GALNT16: variants seen among roughly 807,000 people sequenced by gnomAD.
The protein encoded by GALNT16 is UDP-GalNAc:polypeptide N-acetylgalactosaminyltransferase-like protein 1.
GALNT16 carries 40 observed loss-of-function variants against 76.1 expected under a neutral mutation model. That is an observed-to-expected ratio of 0.53 (90% confidence interval 0.41 to 0.68). The LOEUF (loss-of-function observed/expected upper bound fraction) is 0.68, where lower values mean the gene tolerates loss of function less well. Ranked by LOEUF, GALNT16 falls within the 30% of genes least tolerant of loss-of-function variation. The pLI is 0.00. For synonymous variants in GALNT16, 276 were observed against 285.2 expected (o/e 0.97, Z 0.32); for missense variants, 621 against 731.9 (o/e 0.85, Z 1.75).
the GALNT16 span, among the ~76,000 whole-genome samples, chr14:69,366,197 G>A: frequency 6.6e-6 from 1 of 152,232 alleles, no homozygotes; most frequent in Non-Finnish European, 1.5e-5. Flanking sequence ...GAATGAATGA[G>A]CAGCATGGGT....
intron 3 of GALNT16, 73 bp from the exon 4 acceptor site, chr14:69,325,264 G>A (rs1227630730): frequency 2.1e-5 from 20 of 943,696 alleles, no homozygotes; most frequent in Admixed American, 1.5e-4. Flanking sequence ...GGAGTCCCAC[G>A]GCCCCGGGAG....
rs2045257463 is a variant in GALNT16 at position 69,324,791 on chromosome 14, G to GT, written c.434+2dup. ...CCACCCTGCTGCGCACAGTGAAGAGGTAAGTCCAGCCATGGGACTCTCATC... is the reference window on the plus strand; with the variant it reads ...CCACCCTGCTGCGCACAGTGAAGAGGTTAAGTCCAGCCATGGGACTCTCATC... On this transcript the variant is annotated splice_donor_variant, in intron 3 of 14. Coordinates refer to ENST00000448469, the MANE Select transcript of GALNT16 (RefSeq NM_001168368.2). LOFTEE classifies it high-confidence loss of function. The GT allele has an allele frequency of 6.3e-7, 1 of 1,593,076 alleles. No homozygotes were observed. The highest frequency in any genetic ancestry group is 8.6e-7 in the Non-Finnish European group (1 of 1,166,378).
chr14:69,287,407 A>G (rs907308223), intron 1 of GALNT16, among the ~76,000 whole-genome samples: 3 of 152,238 alleles, frequency 2.0e-5, no homozygotes, highest in African/African-American at 7.2e-5. Context: ...AATTCAGTGC[A>G]AGAAAGAAGT....
chr14:69,318,572 T>A (rs1470840936), intron 1 of GALNT16, among the ~76,000 whole-genome samples: 1 of 152,166 alleles, frequency 6.6e-6, no homozygotes, highest in Non-Finnish European at 1.5e-5. Context: ...CAGTGCCTGG[T>A]AGATGGGTGA....
Position 69,275,218 on chromosome 14 carries a change from TGC to T in GALNT16, c.177+14752_177+14753del, listed in dbSNP as rs765805336. ...AAGGGTGCAGCCTGGGGAGAGCCCC[TGC>T]AATTGGCTTAGCCTCTCCAAAGTAG... On this transcript the variant is annotated intron_variant, in intron 1 of 14. Transcript: ENST00000448469. 1.2e-3 allele frequency among the ~76,000 whole-genome samples: 176 copies of T among 152,238 alleles called. No individual in the cohort carries two copies. The Middle Eastern group carries it at 0.014, about 12-fold the overall frequency.
chr14:69,266,124 G>A (rs1363286297), intron 1 of GALNT16, among the ~76,000 whole-genome samples: 2 of 152,194 alleles, frequency 1.3e-5, no homozygotes, highest in Non-Finnish European at 2.9e-5. Flanking sequence ...TTCCCCTGGA[G>A]CATCTTCTGG....
chr14:69,260,136 A>AGG, upstream of GALNT16: 4 of 113,992 alleles, frequency 3.5e-5, no homozygotes, highest in Non-Finnish European at 5.3e-5. Flanking sequence ...TCTCCCTATC[A>AGG]CCCCCCCGCC....
At chr14:69,260,136 A>ACCACCCCCC, upstream of GALNT16, 1 of 113,994 alleles carries the variant, frequency 8.8e-6, no homozygotes, top group Admixed American at 9.3e-5. Flanking sequence ...TCTCCCTATC[A>ACCACCCCCC]CCCCCCCGCC....
At chr14:69,339,682 T>C (rs1207347845) in intron 11 of GALNT16, 63 bp downstream of exon 11, 3 of 1,025,042 alleles carry the variant, frequency 2.9e-6, no homozygotes, top group East Asian at 2.4e-5. Flanking sequence ...CCCAGCAAAA[T>C]ACGAAGTGGT....
chr14:69,283,291 T>C (rs2044568417), intron 1 of GALNT16, among the ~76,000 whole-genome samples: 2 of 152,208 alleles, frequency 1.3e-5, no homozygotes, highest in Non-Finnish European at 2.9e-5. Flanking sequence ...GGAGTGCACC[T>C]AGTTTAGCTG....
intron 1 of GALNT16, among the ~76,000 whole-genome samples, chr14:69,295,129 A>G (rs2044740249): frequency 7.2e-5 from 11 of 152,088 alleles, no homozygotes; most frequent in Admixed American, 7.2e-4. Flanking sequence ...AACATTTAAC[A>G]TTGGCCGGGT....
At chr14:69,300,243 G>T (rs1456379798) in intron 1 of GALNT16, among the ~76,000 whole-genome samples, 2 of 152,178 alleles carry the variant, frequency 1.3e-5, no homozygotes, top group Non-Finnish European at 2.9e-5. Context: ...CATGTGCTCT[G>T]ATACACACAG....
intron 11 of GALNT16, among the ~76,000 whole-genome samples, chr14:69,340,077 AAGAG>A (rs776517967): frequency 6.6e-6 from 1 of 152,174 alleles, no homozygotes; most frequent in African/African-American, 2.4e-5. Flanking sequence ...AGCATTTAAA[AAGAG>A]AGAGAGAGAA....
At chr14:69,306,112 T>C (rs886442178) in intron 1 of GALNT16, among the ~76,000 whole-genome samples, 1 of 152,196 alleles carries the variant, frequency 6.6e-6, no homozygotes, top group Non-Finnish European at 1.5e-5. Context: ...TCTGTTCCAG[T>C]GGTCTCTTTG....
chr14:69,336,359 G>T (rs936187131), intron 9 of GALNT16, among the ~76,000 whole-genome samples: 4 of 152,104 alleles, frequency 2.6e-5, no homozygotes, highest in Non-Finnish European at 5.9e-5. Flanking sequence ...TGATCCACCC[G>T]CCTCAGCCTC....
At chr14:69,294,391 G>A (rs1020309266) in intron 1 of GALNT16, among the ~76,000 whole-genome samples, 11 of 152,152 alleles carry the variant, frequency 7.2e-5, no homozygotes, top group Admixed American at 5.9e-4. Flanking sequence ...CAAAGTGCTG[G>A]GTTACAGGCA....
intron 1 of GALNT16, among the ~76,000 whole-genome samples, chr14:69,296,736 A>C (rs9323527): frequency 0.073 from 2,830 of 38,598 alleles, 25 homozygotes; most frequent in East Asian, 0.32. Flanking sequence ...GATGATAGAT[A>C]GATAGATAGA....
At chr14:69,382,991 G>A in the GALNT16 span, among the ~76,000 whole-genome samples, 1 of 152,096 alleles carries the variant, frequency 6.6e-6, no homozygotes, top group African/African-American at 2.4e-5. Flanking sequence ...TGTGGGTCTG[G>A]GCAGTGAAAT....
chr14:69,375,163 A>G, the GALNT16 span, among the ~76,000 whole-genome samples: 1 of 152,148 alleles, frequency 6.6e-6, no homozygotes, highest in East Asian at 1.9e-4. Context: ...CATCCCTGGT[A>G]ATATTCCTTG....
Sources: allele counts gnomAD v4.1 joint callset (sites outside exome capture counted in the v4.1 genomes callset), GRCh38; gene constraint gnomAD v4.1.1; transcripts MANE v1.5; gene names NCBI Gene and HGNC (gene_info 2026-07-23, HGNC 2026-07-21).